Variants in AGFG1 observed in about 807,000 individuals in gnomAD.
The protein encoded by AGFG1 is ArfGAP with FG repeats 1.
AGFG1 carries 10 observed loss-of-function variants against 60.6 expected under a neutral mutation model. That is an observed-to-expected ratio of 0.16 (90% CI 0.10 to 0.28). AGFG1 has a LOEUF of 0.28. Ranked by LOEUF, AGFG1 falls within the 10% of genes least tolerant of loss-of-function variation. The pLI, the probability that AGFG1 is intolerant of heterozygous loss-of-function variation, is 1.00. For missense variants in AGFG1, 537 were observed against 676.5 expected (o/e 0.79, Z 2.29); for synonymous variants, 247 against 242.9 (o/e 1.02, Z -0.16).
intron 10 of AGFG1, among the ~76,000 whole-genome samples, chr2:227,545,315 A>G (rs1179818082): frequency 6.6e-6 from 1 of 152,176 alleles, no homozygotes; most frequent in Non-Finnish European, 1.5e-5. Flanking sequence ...CCATCAGGTC[A>G]TTTAAGATCT....
rs143169343 is a variant in AGFG1 at position 227,555,492 on chromosome 2, T to A, written c.*997T>A. 1 of 152,754 alleles carries A rather than the reference T, an allele frequency of 6.5e-6. No individual in the cohort carries two copies. Among genetic ancestry groups the A allele is most frequent in the Admixed American group, 6.5e-5 (1 of 15,300 alleles). 9.5% of individuals were successfully genotyped at this position (152,754 alleles called of 1,614,324 possible). On this transcript the variant is annotated 3_prime_UTR_variant, in exon 13 of 13. Coordinates refer to ENST00000310078, the MANE Select transcript of AGFG1 (RefSeq NM_004504.5). Reference sequence around the variant, plus strand: ...GATTTTTTTTAAAAAAAATTGTCTTTGAATGTATTGGAAGTAGACATGCAT... The same window carrying A: ...GATTTTTTTTAAAAAAAATTGTCTTAGAATGTATTGGAAGTAGACATGCAT...
intron 1 of AGFG1, among the ~76,000 whole-genome samples, chr2:227,477,812 G>A (rs1437390433): frequency 6.6e-6 from 1 of 151,960 alleles, no homozygotes; most frequent in Non-Finnish European, 1.5e-5. Context: ...GTTTCACCAT[G>A]TTGGCCAGGC....
chr2:227,495,180 A>AT (rs1287532743), intron 2 of AGFG1, among the ~76,000 whole-genome samples: 4 of 151,884 alleles, frequency 2.6e-5, no homozygotes, highest in African/African-American at 9.7e-5. Flanking sequence ...AATTTTTGTC[A>AT]TTTTTTTCAG....
intron 2 of AGFG1, 151 bp downstream of exon 2, chr2:227,491,791 TTAA>T (rs1469860792): frequency 9.9e-6 from 5 of 506,480 alleles, no homozygotes; most frequent in Non-Finnish European, 1.4e-5. Flanking sequence ...ATGTACTCAT[TTAA>T]TAATGTATTT....
chr2:227,514,667 A>G (rs151310090), intron 2 of AGFG1, among the ~76,000 whole-genome samples: 1 of 152,240 alleles, frequency 6.6e-6, no homozygotes, highest in Non-Finnish European at 1.5e-5. Flanking sequence ...AAACTCATGC[A>G]GTCTGATTCC....
At chr2:227,553,367 G>A (rs1692879076) in intron 11 of AGFG1, among the ~76,000 whole-genome samples, 1 of 152,054 alleles carries the variant, frequency 6.6e-6, no homozygotes, top group South Asian at 2.1e-4. Context: ...GTGCTGGCGT[G>A]TGCCTGTAGT....
intron 5 of AGFG1, among the ~76,000 whole-genome samples, chr2:227,526,753 A>G (rs1693315367): frequency 2.0e-5 from 3 of 152,026 alleles, no homozygotes; most frequent in Admixed American, 1.3e-4. Flanking sequence ...CATGTTGACC[A>G]GGCTGGTCTC....
Position 227,558,064 on chromosome 2 carries a change from A to G in AGFG1, c.*3569A>G, listed in dbSNP as rs1399418009. On this transcript the variant is annotated 3_prime_UTR_variant, in exon 13 of 13. Coordinates refer to ENST00000310078, the MANE Select transcript of AGFG1 (RefSeq NM_004504.5). The stretch of plus-strand genomic sequence containing the variant: ...CTGAAATTGCAGACTTTTTAACACT[A>G]CTTCAAGGTAATAATAGCAGTGGTA... The G allele has an allele frequency of 6.6e-6, 1 of 152,158 alleles. No homozygotes were observed. Among genetic ancestry groups the G allele is most frequent in the Non-Finnish European group, 1.5e-5 (1 of 68,028 alleles). The allele number at this position is 152,158 out of a possible 1,614,324, so 9.4% of individuals were successfully genotyped here. A position where few individuals can be genotyped will look rare whatever the true frequency, so the allele number is the denominator to read the frequency against.
chr2:227,534,745 A>C (rs1422345324), intron 7 of AGFG1, 100 bp from the exon 8 acceptor site: 1 of 1,267,816 alleles, frequency 7.9e-7, no homozygotes, highest in Non-Finnish European at 1.1e-6. Context: ...CTTAACTCTA[A>C]ATCCATTTTA....
intron 10 of AGFG1, among the ~76,000 whole-genome samples, chr2:227,544,580 T>C (rs1692586756): frequency 6.6e-6 from 1 of 152,214 alleles, no homozygotes; most frequent in African/African-American, 2.4e-5. Flanking sequence ...TTGGCATGTT[T>C]TTGCAGTGAC....
intron 1 of AGFG1, among the ~76,000 whole-genome samples, chr2:227,477,633 G>A (rs540169344): frequency 2.0e-5 from 3 of 152,074 alleles, no homozygotes; most frequent in Non-Finnish European, 2.9e-5. Context: ...TTGAGACGGA[G>A]TTTCACTCGT....
At chr2:227,499,114 G>A (rs74489638) in intron 2 of AGFG1, among the ~76,000 whole-genome samples, 129 of 152,172 alleles carry the variant, frequency 8.5e-4, no homozygotes, top group African/African-American at 2.8e-3. Context: ...CAACTCTCAT[G>A]TTATCTGTAA....
At chr2:227,506,590 A>G (rs1437040552) in intron 2 of AGFG1, among the ~76,000 whole-genome samples, 1 of 142,668 alleles carries the variant, frequency 7.0e-6, no homozygotes, top group Non-Finnish European at 1.5e-5. Context: ...GCACATAGGC[A>G]CATACCTAGT....
rs369917225 is a variant in AGFG1 at position 227,472,763 on chromosome 2, G to A, written c.167+175G>A. Among the ~76,000 whole-genome samples the A allele has an allele frequency of 1.7e-3, 256 of 151,992 alleles. 3 individuals carry two copies. In the East Asian group the frequency reaches 0.041, roughly 24 times the overall value. ...GCGTGGGAGGCTGCGGGCTGGATGC[G>A]CAGGGCCCGGGCAGCCGGGCTGGGG... On this transcript the variant is annotated intron_variant, in intron 1 of 12. Coordinates refer to ENST00000310078, the MANE Select transcript of AGFG1 (RefSeq NM_004504.5).
chr2:227,542,315 A>G (rs1016548040), intron 10 of AGFG1, among the ~76,000 whole-genome samples: 1 of 152,008 alleles, frequency 6.6e-6, no homozygotes, highest in African/African-American at 2.4e-5. Flanking sequence ...AATAGCTCTT[A>G]TTATTTTGAG....
chr2:227,476,800 A>G (rs533514918), intron 1 of AGFG1, among the ~76,000 whole-genome samples: 63 of 152,192 alleles, frequency 4.1e-4, no homozygotes, highest in Non-Finnish European at 5.1e-4. Flanking sequence ...AGGGATTTAT[A>G]TTCTTAATTC....
rs1042031868 is a variant in AGFG1, at chr2:227,556,390, G to T, written c.*1895G>T. ...TAAGCAAGATGACTGGGAAATCTCT[G>T]CCCCTTTTCTGAGCAGTATGCCTCT... On this transcript the variant is annotated 3_prime_UTR_variant, in exon 13 of 13. Coordinates refer to ENST00000310078, the MANE Select transcript of AGFG1 (RefSeq NM_004504.5). The T allele has an allele frequency of 2.6e-5, 4 of 152,592 alleles. No homozygotes were observed. The highest frequency in any genetic ancestry group is 4.4e-5 in the Non-Finnish European group (3 of 68,034). The allele number at this position is 152,592 out of a possible 1,614,324, so 9.5% of individuals were successfully genotyped here.
chr2:227,525,841 G>A (rs1691974601), intron 5 of AGFG1, among the ~76,000 whole-genome samples: 1 of 152,124 alleles, frequency 6.6e-6, no homozygotes, highest in Non-Finnish European at 1.5e-5. Flanking sequence ...TTTGGATTGT[G>A]TTTTTATAAT....
chr2:227,536,604 T>C, intron 8 of AGFG1, 21 bp from the exon 9 acceptor site: 1 of 1,601,910 alleles, frequency 6.2e-7, no homozygotes, highest in South Asian at 1.1e-5. Flanking sequence ...AAAAATGAAC[T>C]CTTTCAATAT....
Sources: gnomAD v4.1 joint callset for allele counts (sites outside exome capture counted in the v4.1 genomes callset) on GRCh38, gnomAD v4.1.1 for gene constraint, MANE v1.5 for transcripts, NCBI Gene and HGNC (gene_info 2026-07-23, HGNC 2026-07-21) for gene names.